AFF3: variants seen among roughly 807,000 people sequenced by gnomAD.
AFF3 encodes AF4/FMR2 family member 3.
Under a neutral mutation model 129.7 loss-of-function variants are expected in AFF3, and 32 were observed. The observed-to-expected ratio is 0.25, with a 90% CI of 0.19 to 0.33. The LOEUF is 0.33. Among genes scored for constraint, AFF3 ranks in the 10% least tolerant of loss-of-function variants. AFF3 has a pLI of 1.00. For missense variants in AFF3, 1,373 were observed against 1,592.0 expected (o/e 0.86, Z 2.34); for synonymous variants, 644 against 635.4 (o/e 1.01, Z -0.20).
chr2:100,119,172 A>G (rs1691850613), intron 2 of AFF3, among the ~76,000 whole-genome samples: 1 of 152,174 alleles, frequency 6.6e-6, no homozygotes, highest in Non-Finnish European at 1.5e-5. Context: ...ACCCCTGCTT[A>G]TGTGTCTCAG....
At chr2:99,885,967 A>T (rs1693081172) in intron 7 of AFF3, among the ~76,000 whole-genome samples, 1 of 152,170 alleles carries the variant, frequency 6.6e-6, no homozygotes, top group South Asian at 2.1e-4. Flanking sequence ...CTGTCTGGAG[A>T]TATGACAGGA....
At chr2:99,818,872 T>C (rs1404504676) in intron 8 of AFF3, among the ~76,000 whole-genome samples, 3 of 152,236 alleles carry the variant, frequency 2.0e-5, no homozygotes, top group Non-Finnish European at 2.9e-5. Context: ...AGTATAGCCA[T>C]ATATACATAC....
intron 8 of AFF3, among the ~76,000 whole-genome samples, chr2:99,795,553 A>G (rs1685500793): frequency 6.6e-6 from 1 of 152,122 alleles, no homozygotes; most frequent in African/African-American, 2.4e-5. Context: ...TTATCCAAGA[A>G]AAAGGTGTGG....
At chr2:100,127,031 C>T (rs6761509) in intron 2 of AFF3, among the ~76,000 whole-genome samples, 3,005 of 152,196 alleles carry the variant, frequency 0.02, 99 homozygotes, top group African/African-American at 0.067. Flanking sequence ...TTGGCAGTTG[C>T]GGGTGGTGGC....
intron 10 of AFF3, among the ~76,000 whole-genome samples, chr2:99,732,139 G>T (rs954904250): frequency 1.4e-4 from 22 of 152,088 alleles, no homozygotes; most frequent in African/African-American, 5.3e-4. Context: ...CAGATCACGA[G>T]GTCAGGAGAT....
chr2:99,948,471 T>C (rs1262954352), intron 7 of AFF3, among the ~76,000 whole-genome samples: 1 of 152,222 alleles, frequency 6.6e-6, no homozygotes, highest in African/African-American at 2.4e-5. Context: ...ATAGCATGAA[T>C]AATTTTCTTT....
chr2:99,934,823 A>G (rs1435062523), intron 7 of AFF3, among the ~76,000 whole-genome samples: 1 of 152,172 alleles, frequency 6.6e-6, no homozygotes, highest in Non-Finnish European at 1.5e-5. Flanking sequence ...CCCAAGGAGA[A>G]AGTGAATCTG....
chr2:99,923,237 G>C (rs1036936384), intron 7 of AFF3, among the ~76,000 whole-genome samples: 9 of 152,078 alleles, frequency 5.9e-5, no homozygotes, highest in African/African-American at 1.7e-4. Flanking sequence ...CTTTAACCTG[G>C]ATCTATTCAG....
At chr2:99,652,951 C>T (rs1322264779) in intron 12 of AFF3, among the ~76,000 whole-genome samples, 2 of 152,172 alleles carry the variant, frequency 1.3e-5, no homozygotes, top group Non-Finnish European at 2.9e-5. Context: ...GGACCGGAGC[C>T]TGAGGAACCC....
At chr2:99,685,216 C>T (rs1340329306) in intron 11 of AFF3, among the ~76,000 whole-genome samples, 3 of 152,204 alleles carry the variant, frequency 2.0e-5, no homozygotes, top group Non-Finnish European at 2.9e-5. Context: ...GCTGGGATTA[C>T]AGGCCTGAGC....
In AFF3 at chr2:99,910,669, G is replaced by A. The variant is rs140584467; in HGVS notation, c.874-73145C>T. Reference sequence around the variant, plus strand: ...ATTTAAGGACAATATGACTCTCAAAGCCCTTCGAGTTTCTCTTTTAACTTC... The same window carrying A: ...ATTTAAGGACAATATGACTCTCAAAACCCTTCGAGTTTCTCTTTTAACTTC... On this transcript the variant is annotated intron_variant, in intron 7 of 24. Coordinates refer to ENST00000672756, the MANE Select transcript of AFF3 (RefSeq NM_001386135.1). Among the ~76,000 whole-genome samples the A allele has an allele frequency of 5.3e-5, 8 of 152,328 alleles. No individual in the cohort carries two copies. The South Asian group carries it at 1.2e-3, about 24-fold the overall frequency.
chr2:99,814,668 G>C (rs2105618999), intron 8 of AFF3, among the ~76,000 whole-genome samples: 1 of 152,156 alleles, frequency 6.6e-6, no homozygotes, highest in Admixed American at 6.5e-5. Flanking sequence ...CCGGCTCCTG[G>C]AGGAGCCAGG....
At chr2:100,113,143 G>C (rs572702317) in intron 2 of AFF3, among the ~76,000 whole-genome samples, 1 of 152,262 alleles carries the variant, frequency 6.6e-6, no homozygotes, top group African/African-American at 2.4e-5. Context: ...CAGGGTCCTG[G>C]GGTCAGGCCT....
intron 8 of AFF3, among the ~76,000 whole-genome samples, chr2:99,797,267 A>G (rs149296949): frequency 6.0e-4 from 91 of 152,320 alleles, no homozygotes; most frequent in African/African-American, 2.1e-3. Flanking sequence ...ACCCAAACTG[A>G]GTTTTCATCT....
intron 11 of AFF3, among the ~76,000 whole-genome samples, chr2:99,697,075 C>T (rs1474008459): frequency 6.6e-6 from 1 of 152,166 alleles, no homozygotes; most frequent in African/African-American, 2.4e-5. Context: ...TTGAAGGCAT[C>T]AAGTCTCTTA....
Position 99,837,645 on chromosome 2 carries a change from G to A in AFF3, c.874-121C>T, listed in dbSNP as rs1019633239. 3 of 833,214 alleles carry A rather than the reference G, an allele frequency of 3.6e-6. No homozygotes were observed. In the South Asian group the frequency reaches 4.7e-5, roughly 13 times the overall value. 51.6% of individuals were successfully genotyped at this position (833,214 alleles called of 1,614,324 possible). A position where few individuals can be genotyped will look rare whatever the true frequency, so the allele number is the denominator to read the frequency against. ...AATTCAGCGAGTTACAGGTTGAGGG[G>A]ATGCCTGACCTGGGACTGGCAGACA... On this transcript the variant is annotated intron_variant, in intron 7 of 24. Coordinates refer to ENST00000672756, the MANE Select transcript of AFF3 (RefSeq NM_001386135.1).
intron 18 of AFF3, among the ~76,000 whole-genome samples, chr2:99,577,773 CTTG>C (rs1304065400): frequency 1.3e-5 from 2 of 152,178 alleles, no homozygotes; most frequent in African/African-American, 4.8e-5. Context: ...ATCTTCTCCT[CTTG>C]TTTTTCCTCC....
chr2:100,034,846 A>G lies in AFF3; in HGVS notation c.54-25914T>C, dbSNP rs140784654. On this transcript the variant is annotated intron_variant, in intron 4 of 24. Transcript: ENST00000672756. ...TCAAGTTCACATGCATGAAGTATTC[A>G]ATGTCATTCACATTAACTGCCTCAT... Among the ~76,000 whole-genome samples, 331 of 152,322 alleles carry G rather than the reference A, an allele frequency of 2.2e-3. 1 individual carries two copies. The highest frequency in any genetic ancestry group is 7.7e-3 in the African/African-American group (320 of 41,582).
chr2:99,611,247 G>T (rs1680890356), intron 13 of AFF3, among the ~76,000 whole-genome samples: 1 of 151,988 alleles, frequency 6.6e-6, no homozygotes, highest in Non-Finnish European at 1.5e-5. Context: ...ATTTTATGAT[G>T]GCTGCTTTAA....
Sources: allele counts gnomAD v4.1 joint callset (sites outside exome capture counted in the v4.1 genomes callset), GRCh38; gene constraint gnomAD v4.1.1; transcripts MANE v1.5; gene names NCBI Gene and HGNC (gene_info 2026-07-23, HGNC 2026-07-21).